Variants in TP53BP2 observed in about 807,000 individuals in gnomAD.
TP53BP2 encodes apoptosis-stimulating of p53 protein 2.
Under a neutral mutation model 126.2 loss-of-function variants are expected in TP53BP2, and 62 were observed. That is an observed-to-expected ratio of 0.49 (90% CI 0.40 to 0.61). The LOEUF (loss-of-function observed/expected upper bound fraction) is 0.61. TP53BP2 is among the 20% of genes least tolerant of loss of function. TP53BP2 has a pLI of 0.00. For missense variants in TP53BP2, 1,215 were observed against 1,402.8 expected, an observed-to-expected ratio of 0.87 and a Z score of 2.14; for synonymous variants, 485 against 502.9, an observed-to-expected ratio of 0.96 and a Z score of 0.48.
intron 1 of TP53BP2, among the ~76,000 whole-genome samples, chr1:223,840,143 T>G (rs1664058786): frequency 6.6e-6 from 1 of 152,228 alleles, no homozygotes; most frequent in African/African-American, 2.4e-5. Context: ...ATAAGACACA[T>G]TTATTTTAGT....
chr1:223,782,787 T>C (rs1661816943), intron 17 of TP53BP2, among the ~76,000 whole-genome samples: 1 of 152,144 alleles, frequency 6.6e-6, no homozygotes, highest in South Asian at 2.1e-4. Flanking sequence ...CATAGTCTAA[T>C]TGTATTTGTT....
In TP53BP2 at chr1:223,786,764, G is replaced by A. The variant is rs572524039; in HGVS notation, c.3163+2244C>T. Reference sequence around the variant, plus strand: ...TGGGACTACAGGCGCCCACCACCACGCCTGTCTAATTTTTTGTATTTTTAG... The same window carrying A: ...TGGGACTACAGGCGCCCACCACCACACCTGTCTAATTTTTTGTATTTTTAG... On this transcript the variant is annotated intron_variant, in intron 16 of 17. Coordinates refer to ENST00000343537, the MANE Select transcript of TP53BP2 (RefSeq NM_001031685.3). Among the ~76,000 whole-genome samples the A allele has an allele frequency of 2.5e-3, 367 of 148,706 alleles. 4 individuals are homozygous for A. Among genetic ancestry groups the A allele is most frequent in the African/African-American group, 8.8e-3 (353 of 40,246 alleles).
At chr1:223,821,783 T>C (rs547827511) in intron 1 of TP53BP2, among the ~76,000 whole-genome samples, 11 of 152,202 alleles carry the variant, frequency 7.2e-5, no homozygotes, top group Admixed American at 6.5e-4. Context: ...CACGTAAGAA[T>C]GTAACACGCT....
chr1:223,795,883 C>T lies in TP53BP2; in HGVS notation c.2656G>A (p.Glu886Lys), dbSNP rs1662302861. ...CTCACCGAGTCTTCTCCGGGCCCTTCAGGCTCCCCAGATGGGTATGGTGGG... is the reference window on the plus strand; with the variant it reads ...CTCACCGAGTCTTCTCCGGGCCCTTTAGGCTCCCCAGATGGGTATGGTGGG... ...PPPPYPSGEP[E>K]GPGEDSVSMR... is the part of the protein sequence containing the mutation. The change falls in exon 13 of 18, where the codon GAA (glutamate) becomes AAA (lysine). Residue 886 changes from glutamate to lysine, a missense_variant. Transcript: ENST00000343537. 1 of 1,604,348 alleles carries T rather than the reference C, an allele frequency of 6.2e-7. No individual in the cohort carries two copies. The highest frequency in any genetic ancestry group is 1.1e-5 in the South Asian group (1 of 90,238).
At chr1:223,829,796 G>A (rs1322325643) in intron 1 of TP53BP2, among the ~76,000 whole-genome samples, 2 of 151,772 alleles carry the variant, frequency 1.3e-5, no homozygotes, top group Non-Finnish European at 2.9e-5. Context: ...AAATTGCTGG[G>A]ACATCTGAAA....
At chr1:223,838,313 T>C (rs1432311183) in intron 1 of TP53BP2, among the ~76,000 whole-genome samples, 1 of 152,142 alleles carries the variant, frequency 6.6e-6, no homozygotes, top group Admixed American at 6.5e-5. Flanking sequence ...GCAGATGTTA[T>C]CCCCAAAAGG....
intron 1 of TP53BP2, among the ~76,000 whole-genome samples, chr1:223,827,781 T>C (rs1432013255): frequency 1.3e-5 from 2 of 152,106 alleles, no homozygotes; most frequent in African/African-American, 2.4e-5. Context: ...TTCCTTCCTT[T>C]ACTTGGAAGA....
Position 223,845,731 on chromosome 1 carries a change from G to T in TP53BP2, c.-51C>A. 1.4e-6 allele frequency: 2 copies of T among 1,478,324 alleles called. No homozygotes were observed. Among genetic ancestry groups the T allele is most frequent in the Admixed American group, 2.2e-5 (1 of 45,426 alleles). 91.6% of individuals were successfully genotyped at this position (1,478,324 alleles called of 1,614,324 possible). ...CCGGCCGAGCTGAGGTGCCCCGGAG[G>T]GTCGCGGATGCGGGGGAGGGGAGCG... On this transcript the variant is annotated 5_prime_UTR_variant, in exon 1 of 18. Transcript: ENST00000343537.
Position 223,800,610 on chromosome 1 carries a change from G to T in TP53BP2, c.1336+90C>A, listed in dbSNP as rs530378359. On this transcript the variant is annotated intron_variant, in intron 10 of 17. Coordinates refer to ENST00000343537, the MANE Select transcript of TP53BP2 (RefSeq NM_001031685.3). Reference sequence around the variant, plus strand: ...TAAAAAAAACAAAAAAAGGAAGAAAGAAAAGAGAAAATGGACTCTCTAAAA... The same window carrying T: ...TAAAAAAAACAAAAAAAGGAAGAAATAAAAGAGAAAATGGACTCTCTAAAA... 1,138 of 960,190 alleles carry T rather than the reference G, an allele frequency of 1.2e-3. 11 individuals carry two copies. The highest frequency in any genetic ancestry group is 3.6e-3 in the East Asian group (127 of 35,752). 59.5% of individuals were successfully genotyped at this position (960,190 alleles called of 1,614,324 possible).
intron 15 of TP53BP2, 76 bp from the exon 16 acceptor site, chr1:223,789,250 A>T (rs1333836865): frequency 1.3e-6 from 2 of 1,544,770 alleles, no homozygotes; most frequent in African/African-American, 2.7e-5. Context: ...TCTGGAAAGA[A>T]AGTTCTTGAG....
rs190253417 is a variant in TP53BP2, at chr1:223,796,941, C to T, written c.1949-351G>A. Among the ~76,000 whole-genome samples the T allele has an allele frequency of 6.6e-6, 1 of 152,236 alleles. No homozygotes were observed. Among genetic ancestry groups the T allele is most frequent in the African/African-American group, 2.4e-5 (1 of 41,540 alleles). On this transcript the variant is annotated intron_variant, in intron 12 of 17. Coordinates refer to ENST00000343537, the MANE Select transcript of TP53BP2 (RefSeq NM_001031685.3). This position sits in a 1 kb window ranked among gnomAD's most constrained non-coding sequence, Gnocchi z 4.2. ...TGAAAACAGATAATCCTCATGTGTC[C>T]AGATTAAAACTAAACATGTACTATC... is the stretch of plus-strand genomic sequence containing the variant.
intron 17 of TP53BP2, among the ~76,000 whole-genome samples, chr1:223,781,131 G>A (rs776046879): frequency 6.6e-6 from 1 of 152,152 alleles, no homozygotes; most frequent in Non-Finnish European, 1.5e-5. Flanking sequence ...ACTCTACAAA[G>A]CAGCAATATA....
Position 223,825,026 on chromosome 1 carries a change from A to AACACACACACACACACACACAC in TP53BP2, c.28-3681_28-3660dup, listed in dbSNP as rs3058420. 4.8e-3 allele frequency among the ~76,000 whole-genome samples: 688 copies of AACACACACACACACACACACAC among 143,532 alleles called. 9 individuals carry two copies. Among genetic ancestry groups the AACACACACACACACACACACAC allele is most frequent in the African/African-American group, 0.017 (643 of 38,338 alleles). 94.2% of individuals were successfully genotyped at this position (143,532 alleles called of 152,430 possible). A position where few individuals can be genotyped will look rare whatever the true frequency, so the allele number is the denominator to read the frequency against. ...AACCCTACCTAGAATTCCAACACCAAACACACACACACACACACACACACA... is the reference window on the plus strand; with the variant it reads ...AACCCTACCTAGAATTCCAACACCAAACACACACACACACACACACACACACACACACACACACACACACACA... On this transcript the variant is annotated intron_variant, in intron 1 of 17. Coordinates refer to ENST00000343537, the MANE Select transcript of TP53BP2 (RefSeq NM_001031685.3).
intron 1 of TP53BP2, among the ~76,000 whole-genome samples, chr1:223,829,102 G>A (rs1208007610): frequency 1.3e-5 from 2 of 152,122 alleles, no homozygotes; most frequent in Non-Finnish European, 2.9e-5. Flanking sequence ...AGAGGCAGGG[G>A]AATCACTTGA....
chr1:223,830,277 T>C (rs1363008471), intron 1 of TP53BP2, among the ~76,000 whole-genome samples: 2 of 152,204 alleles, frequency 1.3e-5, no homozygotes, highest in Non-Finnish European at 2.9e-5. Flanking sequence ...TTGAGCATCA[T>C]GTAGGCACTC....
chr1:223,833,239 A>G (rs926404725), intron 1 of TP53BP2, among the ~76,000 whole-genome samples: 24 of 152,248 alleles, frequency 1.6e-4, no homozygotes, highest in Admixed American at 2.6e-4. Context: ...ATATGATGGC[A>G]TATTTTTAAC....
intron 5 of TP53BP2, among the ~76,000 whole-genome samples, 186 bp downstream of exon 5, chr1:223,806,660 C>A (rs1333821710): frequency 6.6e-6 from 1 of 152,126 alleles, no homozygotes; most frequent in Non-Finnish European, 1.5e-5. Context: ...CCCATCTCTA[C>A]AAAACATACA....
At chr1:223,837,516 G>T (rs773550253) in intron 1 of TP53BP2, among the ~76,000 whole-genome samples, 2 of 151,952 alleles carry the variant, frequency 1.3e-5, no homozygotes, top group African/African-American at 4.8e-5. Context: ...TCACCCCTGG[G>T]GCTTCTGAGG....
chr1:223,788,552 GA>G (rs1662048973), intron 16 of TP53BP2, among the ~76,000 whole-genome samples: 2 of 152,094 alleles, frequency 1.3e-5, no homozygotes, highest in Non-Finnish European at 2.9e-5. Context: ...AAAAATAAAA[GA>G]CAGCTCCAAA....
Sources: allele counts gnomAD v4.1 joint callset (sites outside exome capture counted in the v4.1 genomes callset), GRCh38; gene constraint gnomAD v4.1.1; non-coding constraint Gnocchi (gnomAD v3.1); transcripts MANE v1.5; gene names NCBI Gene and HGNC (gene_info 2026-07-23, HGNC 2026-07-21).